TENM4: variants seen among roughly 807,000 people sequenced by gnomAD.
TENM4 encodes teneurin transmembrane protein 4.
A neutral mutation model predicts 243.3 loss-of-function variants in TENM4; 82 were observed. The observed-to-expected ratio is 0.34, with a 90% CI of 0.28 to 0.40. TENM4 has a LOEUF of 0.40. Among genes scored for constraint, TENM4 ranks in the 10% least tolerant of loss-of-function variants. The pLI is 1.00. For synonymous variants in TENM4, 1,412 were observed against 1,456.3 expected (o/e 0.97, Z 0.69); for missense variants, 3,138 against 3,673.3 (o/e 0.85, Z 3.77).
At chr11:79,334,404 A>G (rs555760092) in intron 1 of TENM4, among the ~76,000 whole-genome samples, 1 of 152,336 alleles carries the variant, frequency 6.6e-6, no homozygotes, top group Admixed American at 6.5e-5. Context: ...CTTTCACCGC[A>G]GCCTTCAACC....
chr11:78,738,687 C>CTGAGTGA, intron 19 of TENM4, 117 bp from the exon 20 acceptor site: 1 of 1,046,816 alleles, frequency 9.6e-7, no homozygotes, highest in Non-Finnish European at 1.4e-6. Context: ...ACATCTTGTA[C>CTGAGTGA]CCAGGGGTTC....
intron 15 of TENM4, among the ~76,000 whole-genome samples, chr11:78,794,384 A>G (rs992887212): frequency 2.6e-5 from 4 of 152,214 alleles, no homozygotes; most frequent in South Asian, 2.1e-4. Flanking sequence ...ATAATGGGGC[A>G]GCACTAAACT....
chr11:79,255,541 A>G (rs1855687628), intron 2 of TENM4, among the ~76,000 whole-genome samples: 1 of 152,250 alleles, frequency 6.6e-6, no homozygotes, highest in African/African-American at 2.4e-5. Flanking sequence ...ATTAGATCAA[A>G]TGTAAAACTG....
rs567704929 is a variant in TENM4 at position 79,041,968 on chromosome 11, C to A, written c.493+22770G>T. The stretch of plus-strand genomic sequence containing the variant: ...CCCAGGGAGCAGTGACTTCCCTTAG[C>A]CGGAGGGTCTGGGCCTTAGGAAGGT... On this transcript the variant is annotated intron_variant, in intron 6 of 33. Coordinates refer to ENST00000278550, the MANE Select transcript of TENM4 (RefSeq NM_001098816.3). Among the ~76,000 whole-genome samples, 13 of 152,302 alleles carry A rather than the reference C, an allele frequency of 8.5e-5. No individual in the cohort carries two copies. In the South Asian group the frequency reaches 1.9e-3, roughly 22 times the overall value.
At chr11:78,915,690 C>G (rs931758815) in intron 6 of TENM4, among the ~76,000 whole-genome samples, 1 of 152,174 alleles carries the variant, frequency 6.6e-6, no homozygotes, top group Admixed American at 6.5e-5. Context: ...AGGGAATAGC[C>G]TACTTTGTTG....
At chr11:78,903,886 C>T (rs748687669) in intron 6 of TENM4, 91 of 532,502 alleles carry the variant, frequency 1.7e-4, no homozygotes, top group Non-Finnish European at 2.9e-4. Context: ...GCTTCAGCAT[C>T]GTCTGGGAAC....
chr11:79,138,094 G>A (rs1408586953), intron 4 of TENM4, among the ~76,000 whole-genome samples: 2 of 151,492 alleles, frequency 1.3e-5, no homozygotes, highest in African/African-American at 4.9e-5. Context: ...TTGCCAGCAT[G>A]GCTAGAATAT....
intron 1 of TENM4, among the ~76,000 whole-genome samples, chr11:79,409,309 G>C (rs571369346): frequency 1.1e-4 from 16 of 152,216 alleles, no homozygotes; most frequent in Non-Finnish European, 1.8e-4. Flanking sequence ...CTGTTTAGGA[G>C]TGTTTAAAGC....
intron 4 of TENM4, among the ~76,000 whole-genome samples, chr11:79,101,521 T>C (rs1861230596): frequency 6.6e-6 from 1 of 152,160 alleles, no homozygotes; most frequent in African/African-American, 2.4e-5. Context: ...AGGCTCTTGA[T>C]TGATAGAAGC....
intron 1 of TENM4, among the ~76,000 whole-genome samples, chr11:79,371,460 A>G (rs551485582): frequency 6.6e-6 from 1 of 152,268 alleles, no homozygotes. Flanking sequence ...GATATGGGCC[A>G]AGACAAGATC....
At chr11:78,843,942 C>A (rs548577384) in intron 12 of TENM4, among the ~76,000 whole-genome samples, 3 of 152,308 alleles carry the variant, frequency 2.0e-5, no homozygotes, top group Admixed American at 2.0e-4. Flanking sequence ...GGAAAAACAT[C>A]AGTGATGCCT....
intron 6 of TENM4, among the ~76,000 whole-genome samples, chr11:79,059,820 G>T (rs561465142): frequency 6.6e-6 from 1 of 152,308 alleles, no homozygotes; most frequent in South Asian, 2.1e-4. Flanking sequence ...GCTCCAAGAG[G>T]TGAAATGCCT....
intron 1 of TENM4, among the ~76,000 whole-genome samples, chr11:79,339,675 C>T (rs1399781026): frequency 1.3e-5 from 2 of 150,966 alleles, no homozygotes; most frequent in Non-Finnish European, 2.9e-5. Flanking sequence ...AATCCTAGGG[C>T]AAGAGTCACA....
chr11:79,394,559 G>A (rs961529991), intron 1 of TENM4, among the ~76,000 whole-genome samples: 16 of 152,226 alleles, frequency 1.1e-4, no homozygotes, highest in African/African-American at 3.6e-4. Flanking sequence ...CCATATAGAG[G>A]TATTATTTTG....
chr11:79,227,219 C>G (rs1386075975), intron 2 of TENM4, among the ~76,000 whole-genome samples: 1 of 152,162 alleles, frequency 6.6e-6, no homozygotes, highest in Non-Finnish European at 1.5e-5. Context: ...CTGGATTATC[C>G]CAGCTTCTGG....
intron 29 of TENM4, among the ~76,000 whole-genome samples, chr11:78,686,676 C>T (rs945132560): frequency 2.6e-5 from 4 of 152,220 alleles, no homozygotes; most frequent in African/African-American, 9.6e-5. Flanking sequence ...TGATTGCTTG[C>T]TTCATGGTGG....
intron 2 of TENM4, among the ~76,000 whole-genome samples, chr11:79,276,242 C>T (rs1856053972): frequency 6.6e-6 from 1 of 152,254 alleles, no homozygotes; most frequent in Non-Finnish European, 1.5e-5. Flanking sequence ...CTGTGGCCTT[C>T]ACTTGCTAAT....
intron 6 of TENM4, among the ~76,000 whole-genome samples, chr11:78,944,986 T>A (rs965382989): frequency 1.3e-5 from 2 of 152,244 alleles, no homozygotes; most frequent in Admixed American, 6.5e-5. Flanking sequence ...TATTTTCCTG[T>A]GATTTTCCAC....
intron 1 of TENM4, among the ~76,000 whole-genome samples, chr11:79,347,873 G>A (rs1033560258): frequency 7.0e-6 from 1 of 143,210 alleles, no homozygotes; most frequent in African/African-American, 2.6e-5. Flanking sequence ...TCCGCTTCCC[G>A]GGTTCACGCC....
Sources: gnomAD v4.1 joint callset for allele counts (sites outside exome capture counted in the v4.1 genomes callset) on GRCh38, gnomAD v4.1.1 for gene constraint, MANE v1.5 for transcripts, NCBI Gene and HGNC (gene_info 2026-07-23, HGNC 2026-07-21) for gene names.